The following RDH10 variants were observed in gnomAD, a reference collection of about 807,000 sequenced individuals.
RDH10 encodes retinol dehydrogenase 10 (all-trans).
RDH10 carries 12 observed loss-of-function variants against 30.2 expected under a neutral mutation model. The observed-to-expected ratio is 0.40, with a 90% CI of 0.25 to 0.64. The LOEUF is 0.64. Ranked by LOEUF, RDH10 falls within the 30% of genes least tolerant of loss-of-function variation. The pLI is 0.43. For synonymous variants in RDH10, 189 were observed against 172.2 expected (o/e 1.10, Z -0.76); for missense variants, 268 against 445.2 (o/e 0.60, Z 3.58).
At position 73,294,921 on chromosome 8, in the gene RDH10, G is replaced by T. The variant is rs2130349588; in HGVS notation, c.-369G>T. 2.5e-6 allele frequency: 1 copy of T among 394,964 alleles called. No homozygotes were observed. The highest frequency in any genetic ancestry group is 2.1e-5 in the African/African-American group (1 of 48,518). The allele number at this position is 394,964 out of a possible 1,614,324, so 24.5% of individuals were successfully genotyped here. A position where few individuals can be genotyped will look rare whatever the true frequency, so the allele number is the denominator to read the frequency against. On this transcript the variant is annotated 5_prime_UTR_variant, in exon 1 of 6. Transcript: ENST00000240285. Reference sequence around the variant, plus strand: ...GCGCCGGTTCCGGGGACGCTCGGGCGGCAGCAGCTTGGCCATGAGGGCAGT... The same window carrying T: ...GCGCCGGTTCCGGGGACGCTCGGGCTGCAGCAGCTTGGCCATGAGGGCAGT...
chr8:73,303,734 C>T (rs540597100), intron 2 of RDH10, among the ~76,000 whole-genome samples: 40 of 152,214 alleles, frequency 2.6e-4, no homozygotes, highest in African/African-American at 9.6e-4. Context: ...GACTGAATAC[C>T]TATATACACC....
intron 2 of RDH10, chr8:73,315,642 T>C (rs986905383): frequency 4.4e-6 from 2 of 452,970 alleles, no homozygotes; most frequent in African/African-American, 4.0e-5. Context: ...TACAGGGAAG[T>C]CATTACAGCC....
At chr8:73,310,151 T>C (rs1814538705) in intron 2 of RDH10, among the ~76,000 whole-genome samples, 1 of 152,238 alleles carries the variant, frequency 6.6e-6, no homozygotes, top group African/African-American at 2.4e-5. Context: ...AGTTGCCATC[T>C]GCAATCTTTA....
chr8:73,313,779 G>C (rs151126559), intron 2 of RDH10, among the ~76,000 whole-genome samples: 17 of 152,248 alleles, frequency 1.1e-4, no homozygotes, highest in African/African-American at 3.9e-4. Flanking sequence ...CACTGCAATA[G>C]AGTGCAATTC....
At chr8:73,309,518 T>C (rs1814525195) in intron 2 of RDH10, among the ~76,000 whole-genome samples, 1 of 152,170 alleles carries the variant, frequency 6.6e-6, no homozygotes, top group South Asian at 2.1e-4. Context: ...TTATTGTCCT[T>C]CAAAGGTACT....
intron 2 of RDH10, among the ~76,000 whole-genome samples, chr8:73,305,182 C>A (rs1814446050): frequency 1.3e-5 from 2 of 152,240 alleles, no homozygotes; most frequent in South Asian, 4.1e-4. Context: ...ACTACAAACC[C>A]TGTAGTTTAA....
intron 2 of RDH10, chr8:73,297,864 T>C (rs917337644): frequency 9.2e-6 from 2 of 217,858 alleles, no homozygotes; most frequent in Admixed American, 1.0e-4. Context: ...TTGTGGTCTG[T>C]TGGGAGTGCC....
chr8:73,302,603 T>G (rs1256359730), intron 2 of RDH10, among the ~76,000 whole-genome samples: 1 of 152,188 alleles, frequency 6.6e-6, no homozygotes, highest in Admixed American at 6.5e-5. Context: ...GAGGCTGGCT[T>G]GAGCCCAGGG....
chr8:73,321,243 GGAGA>G (rs1204809490), intron 4 of RDH10, among the ~76,000 whole-genome samples, 166 bp downstream of exon 4: 1 of 152,226 alleles, frequency 6.6e-6, no homozygotes, highest in African/African-American at 2.4e-5. Flanking sequence ...GATTTGCAAA[GGAGA>G]GACTGGTGCT....
At chr8:73,321,381 T>C (rs1192628555) in intron 4 of RDH10, among the ~76,000 whole-genome samples, 1 of 152,264 alleles carries the variant, frequency 6.6e-6, no homozygotes, top group Non-Finnish European at 1.5e-5. Flanking sequence ...AGTTATTTTG[T>C]TTCTTTAAAA....
intron 2 of RDH10, chr8:73,312,578 C>G (rs913345707): frequency 6.6e-6 from 1 of 152,244 alleles, no homozygotes; most frequent in Non-Finnish European, 1.5e-5. Context: ...TAAGTTAACT[C>G]TGGCAGCTGC....
At chr8:73,303,914 A>T (rs1332485375) in intron 2 of RDH10, among the ~76,000 whole-genome samples, 1 of 152,150 alleles carries the variant, frequency 6.6e-6, no homozygotes, top group East Asian at 1.9e-4. Context: ...AAGTTCTCCA[A>T]CATCTTCAAT....
chr8:73,308,063 GCTTC>G (rs1814493346), intron 2 of RDH10, among the ~76,000 whole-genome samples: 1 of 152,062 alleles, frequency 6.6e-6, no homozygotes, highest in South Asian at 2.1e-4. Flanking sequence ...TCGTCACCCA[GCTTC>G]CTTCTTTCTC....
In RDH10 at chr8:73,294,873, C is replaced by A. The variant is rs914064718; in HGVS notation, c.-417C>A. The stretch of plus-strand genomic sequence containing the variant: ...GTGCCGCCTCCGCTGCGCACCCCTC[C>A]CCCGGGGTGAGAGGGAGCCGGCGCG... On this transcript the variant is annotated 5_prime_UTR_variant, in exon 1 of 6. Transcript: ENST00000240285. 2.5e-6 allele frequency: 1 copy of A among 393,118 alleles called. No individual in the cohort carries two copies. The highest frequency in any genetic ancestry group is 4.4e-5 in the Admixed American group (1 of 22,544). 24.4% of individuals were successfully genotyped at this position (393,118 alleles called of 1,614,324 possible). A position where few individuals can be genotyped will look rare whatever the true frequency, so the allele number is the denominator to read the frequency against.
intron 4 of RDH10, chr8:73,322,340 G>A: frequency 3.5e-6 from 1 of 284,128 alleles, no homozygotes; most frequent in Non-Finnish European, 6.8e-6. Context: ...CTTGAGATTA[G>A]TGTTTGCTAT....
chr8:73,321,140 A>G, intron 4 of RDH10, 63 bp downstream of exon 4: 1 of 1,333,436 alleles, frequency 7.5e-7, no homozygotes. Context: ...GTGGAACTGG[A>G]CTTTCAAACA....
At position 73,297,264 on chromosome 8, in the gene RDH10, G is replaced by A. The variant is rs1171288377; in HGVS notation, c.360G>A (p.Gly120=). ...LQVFTYTCDV[G]KRENVYLTAE... is the part of the protein sequence containing the mutation. ...TTTTTACCTACACCTGTGACGTGGGGAAGAGGGAGAACGTCTACCTGACGG... is the reference window on the plus strand; with the variant it reads ...TTTTTACCTACACCTGTGACGTGGGAAAGAGGGAGAACGTCTACCTGACGG... The change falls in exon 2 of 6, where the codon GGG becomes GGA. Residue 120 remains glycine, a synonymous_variant. Transcript: ENST00000240285. The A allele has an allele frequency of 1.2e-6, 2 of 1,614,158 alleles. No homozygotes were observed. Among genetic ancestry groups the A allele is most frequent in the Non-Finnish European group, 8.5e-7 (1 of 1,179,990 alleles).
rs1024060238 is a variant in RDH10, at chr8:73,317,951, C to T, written c.526-1145C>T. Among the ~76,000 whole-genome samples the T allele has an allele frequency of 1.3e-4, 14 of 109,552 alleles. No homozygotes were observed. The Admixed American group carries it at 1.5e-3, about 11-fold the overall frequency. 71.9% of individuals were successfully genotyped at this position (109,552 alleles called of 152,430 possible). A position where few individuals can be genotyped will look rare whatever the true frequency, so the allele number is the denominator to read the frequency against. ...CCGCCCAAAAAAAAAAAACCACAAACCCATATTAGGTATTCATGCAAAAAC... is the reference window on the plus strand; with the variant it reads ...CCGCCCAAAAAAAAAAAACCACAAATCCATATTAGGTATTCATGCAAAAAC... On this transcript the variant is annotated intron_variant, in intron 2 of 5. Transcript: ENST00000240285.
intron 2 of RDH10, among the ~76,000 whole-genome samples, chr8:73,316,940 C>T (rs1312535226): frequency 1.3e-5 from 2 of 152,150 alleles, no homozygotes; most frequent in Non-Finnish European, 2.9e-5. Flanking sequence ...CAGTCACCTC[C>T]CACCAGGCCA....
Sources: allele counts gnomAD v4.1 joint callset (sites outside exome capture counted in the v4.1 genomes callset), GRCh38; gene constraint gnomAD v4.1.1; transcripts MANE v1.5; gene names NCBI Gene and HGNC (gene_info 2026-07-23, HGNC 2026-07-21).